NT5C1A: variants seen among roughly 807,000 people sequenced by gnomAD.
NT5C1A encodes the protein cytosolic 5'-nucleotidase 1A.
In NT5C1A, 18 loss-of-function variants were observed where a neutral mutation model predicts 31.0. That is an observed-to-expected ratio of 0.58 (90% CI 0.40 to 0.86). NT5C1A has a LOEUF of 0.86. Among genes scored for constraint, NT5C1A ranks in the 40% least tolerant of loss-of-function variants. NT5C1A has a pLI of 0.00. For synonymous variants in NT5C1A, 185 were observed against 203.6 expected (o/e 0.91, Z 0.78); for missense variants, 470 against 505.4 (o/e 0.93, Z 0.67).
At chr1:39,661,305 C>G in intron 4 of NT5C1A, 42 bp from the exon 5 acceptor site, 1 of 1,181,968 alleles carries the variant, frequency 8.5e-7, no homozygotes, top group South Asian at 1.3e-5. Flanking sequence ...TCAGGCTGGG[C>G]AGTAGGGCTA....
At position 39,651,317 on chromosome 1, in the gene NT5C1A, G is replaced by A. The variant is rs563029522; in HGVS notation, c.*7804C>T. On this transcript the variant is annotated 3_prime_UTR_variant, in exon 6 of 6. Coordinates refer to ENST00000235628, the MANE Select transcript of NT5C1A (RefSeq NM_032526.3). ...TTAAGGTATAGGACATGCATGAGAA[G>A]TGACAGGGACCCACACTGGCAAGCA... is the stretch of plus-strand genomic sequence containing the variant. Among the ~76,000 whole-genome samples the A allele has an allele frequency of 6.6e-6, 1 of 152,248 alleles. No homozygotes were observed. Among genetic ancestry groups the A allele is most frequent in the Non-Finnish European group, 1.5e-5 (1 of 68,036 alleles).
At position 39,663,283 on chromosome 1, in the gene NT5C1A, C is replaced by G. The variant is rs199788978; in HGVS notation, c.556+29G>C. On this transcript the variant is annotated intron_variant, in intron 4 of 5. Coordinates refer to ENST00000235628, the MANE Select transcript of NT5C1A (RefSeq NM_032526.3). Reference sequence around the variant, plus strand: ...CTCAGGGACCCCTTTGCTGCACTCCCCATATTCTTCCTCTTCACTTAGACT... The same window carrying G: ...CTCAGGGACCCCTTTGCTGCACTCCGCATATTCTTCCTCTTCACTTAGACT... 38 of 1,613,914 alleles carry G rather than the reference C, an allele frequency of 2.4e-5. No individual in the cohort carries two copies. The East Asian group carries it at 7.6e-4, about 32-fold the overall frequency.
Position 39,672,069 on chromosome 1 carries a change from A to G in NT5C1A, c.-31T>C. On this transcript the variant is annotated 5_prime_UTR_variant, in exon 1 of 6. Transcript: ENST00000235628. ...GGCTCTGACCCGGCCCGGCCAGAGC[A>G]GGCGGCGGCGTAGACGCGGAGGTGG... The G allele has an allele frequency of 1.3e-6, 2 of 1,536,144 alleles. No individual in the cohort carries two copies. The highest frequency in any genetic ancestry group is 1.7e-6 in the Non-Finnish European group (2 of 1,152,728).
rs1471169269 is a variant in NT5C1A, at chr1:39,657,290, C to T, written c.*1831G>A. On this transcript the variant is annotated 3_prime_UTR_variant, in exon 6 of 6. Coordinates refer to ENST00000235628, the MANE Select transcript of NT5C1A (RefSeq NM_032526.3). ...CGTCTCTGCCTTCTCACTTTGTTCTCCTTCCTGGAATATCTTTCTGCATCT... is the reference window on the plus strand; with the variant it reads ...CGTCTCTGCCTTCTCACTTTGTTCTTCTTCCTGGAATATCTTTCTGCATCT... Among the ~76,000 whole-genome samples, 1 of 152,200 alleles carries T rather than the reference C, an allele frequency of 6.6e-6. No individual in the cohort carries two copies. Among genetic ancestry groups the T allele is most frequent in the Admixed American group, 6.5e-5 (1 of 15,282 alleles).
rs773014170 is a variant in NT5C1A at position 39,661,177 on chromosome 1, C to T, written c.643G>A (p.Val215Met). 19 of 1,602,280 alleles carry T rather than the reference C, an allele frequency of 1.2e-5. No homozygotes were observed. Among genetic ancestry groups the T allele is most frequent in the South Asian group, 4.4e-5 (4 of 90,750 alleles). The change falls in exon 5 of 6, where the codon GTG becomes ATG. Residue 215 changes from valine to methionine, a missense_variant. Transcript: ENST00000235628. ...CGCTCCGACTCGTCCGAGAAGAGCA[C>T]GGCGTCCCCATCGAAGGCCACGCGC... is the stretch of plus-strand genomic sequence containing the variant. ...QLRVAFDGDA[V>M]LFSDESERIV...
intron 3 of NT5C1A, 66 bp from the exon 4 acceptor site, chr1:39,663,500 G>C (rs1646502720): frequency 6.5e-7 from 1 of 1,544,624 alleles, no homozygotes; most frequent in Non-Finnish European, 8.9e-7. Context: ...CAGTCTCTCT[G>C]TGCCCAGTGC....
Position 39,663,445 on chromosome 1 carries a change from G to C in NT5C1A, c.434-11C>G. ...TCTCGATGAACAGGTCTGGGAAGGA[G>C]GTAAAGGACCCAGGTGAGGCCAGGG... On this transcript the variant is annotated splice_polypyrimidine_tract_variant and intron_variant, in intron 3 of 5. Coordinates refer to ENST00000235628, the MANE Select transcript of NT5C1A (RefSeq NM_032526.3). 1 of 1,613,862 alleles carries C rather than the reference G, an allele frequency of 6.2e-7. No homozygotes were observed. Among genetic ancestry groups the C allele is most frequent in the Non-Finnish European group, 8.5e-7 (1 of 1,179,900 alleles).
chr1:39,661,381 A>G (rs1646492505), intron 4 of NT5C1A, 118 bp from the exon 5 acceptor site: 1 of 513,568 alleles, frequency 1.9e-6, no homozygotes, highest in East Asian at 2.8e-5. Context: ...AAGGCTGATG[A>G]AAACTAATAT....
chr1:39,663,431 AGG>A lies in NT5C1A; in HGVS notation c.435_436del (p.Leu146ValfsTer38), dbSNP rs200821382. 59 of 1,613,962 alleles carry A rather than the reference AGG, an allele frequency of 3.7e-5. 2 individuals carry two copies. In the East Asian group the frequency reaches 9.1e-4, roughly 25 times the overall value. On this transcript the variant is annotated frameshift_variant and splice_region_variant, in exon 4 of 6. Transcript: ENST00000235628. LOFTEE classifies it high-confidence loss of function. Reference sequence around the variant, plus strand: ...TGTCATGCAGAACCTCTCGATGAACAGGTCTGGGAAGGAGGTAAAGGACCCAG... The same window carrying A: ...TGTCATGCAGAACCTCTCGATGAACATCTGGGAAGGAGGTAAAGGACCCAG...
Position 39,659,532 on chromosome 1 carries a change from A to T in NT5C1A, c.742-46T>A, listed in dbSNP as rs113354759. On this transcript the variant is annotated intron_variant, in intron 5 of 5. Transcript: ENST00000235628. ...CATTGTTAGCTCTACCACCTCCTAA[A>T]TATTTGCCCCCTGCTCTCCCTAAAG... is the stretch of plus-strand genomic sequence containing the variant. 3,285 of 1,515,592 alleles carry T rather than the reference A, an allele frequency of 2.2e-3. 48 individuals carry two copies. The African/African-American group carries it at 0.038, about 17-fold the overall frequency. The allele number at this position is 1,515,592 out of a possible 1,614,324, so 93.9% of individuals were successfully genotyped here. A position where few individuals can be genotyped will look rare whatever the true frequency, so the allele number is the denominator to read the frequency against.
chr1:39,659,067 C>G lies in NT5C1A; in HGVS notation c.*54G>C. On this transcript the variant is annotated 3_prime_UTR_variant, in exon 6 of 6. Coordinates refer to ENST00000235628, the MANE Select transcript of NT5C1A (RefSeq NM_032526.3). Reference sequence around the variant, plus strand: ...TAGAGGGATCTACCAGAGGAGGTGTCGAAGTATGTCAGGGAGCCTGGAGCA... The same window carrying G: ...TAGAGGGATCTACCAGAGGAGGTGTGGAAGTATGTCAGGGAGCCTGGAGCA... 6.5e-7 allele frequency: 1 copy of G among 1,527,542 alleles called. No homozygotes were observed. 94.6% of individuals were successfully genotyped at this position (1,527,542 alleles called of 1,614,324 possible). A position where few individuals can be genotyped will look rare whatever the true frequency, so the allele number is the denominator to read the frequency against.
Position 39,663,284 on chromosome 1 carries a change from C to T in NT5C1A, c.556+28G>A, listed in dbSNP as rs201275669. 3.2e-4 allele frequency: 521 copies of T among 1,613,966 alleles called. 7 individuals carry two copies. The South Asian group carries it at 3.7e-3, about 12-fold the overall frequency. On this transcript the variant is annotated intron_variant, in intron 4 of 5. Coordinates refer to ENST00000235628, the MANE Select transcript of NT5C1A (RefSeq NM_032526.3). ...TCAGGGACCCCTTTGCTGCACTCCC[C>T]ATATTCTTCCTCTTCACTTAGACTT...
intron 1 of NT5C1A, 35 bp downstream of exon 1, chr1:39,671,869 C>G (rs552981424): frequency 1.9e-6 from 3 of 1,610,088 alleles, no homozygotes; most frequent in Admixed American, 3.3e-5. Flanking sequence ...GGTAACCCTT[C>G]CCCCGTCCCC....
At chr1:39,660,894 G>C (rs992017825) in intron 5 of NT5C1A, among the ~76,000 whole-genome samples, 185 bp downstream of exon 5, 30 of 152,066 alleles carry the variant, frequency 2.0e-4, no homozygotes, top group African/African-American at 1.9e-4. Flanking sequence ...GGGGATGTGG[G>C]CTCAACAAAG....
At position 39,652,891 on chromosome 1, in the gene NT5C1A, G is replaced by A. The variant is rs1646439410; in HGVS notation, c.*6230C>T. The stretch of plus-strand genomic sequence containing the variant: ...AGGCAGGAATCTTTGCCTAGGTTGG[G>A]CAGGGCTGGTAGTGGGGAGGGAAGG... On this transcript the variant is annotated 3_prime_UTR_variant, in exon 6 of 6. Coordinates refer to ENST00000235628, the MANE Select transcript of NT5C1A (RefSeq NM_032526.3). 1.3e-5 allele frequency among the ~76,000 whole-genome samples: 2 copies of A among 152,100 alleles called. No individual in the cohort carries two copies. The highest frequency in any genetic ancestry group is 4.8e-5 in the African/African-American group (2 of 41,506).
intron 4 of NT5C1A, among the ~76,000 whole-genome samples, chr1:39,662,514 A>G (rs1646496944): frequency 6.6e-6 from 1 of 152,222 alleles, no homozygotes; most frequent in Non-Finnish European, 1.5e-5. Context: ...GAAAGCCTCT[A>G]GGAGCTCCCA....
At position 39,656,428 on chromosome 1, in the gene NT5C1A, C is replaced by A. The variant is rs1207284848; in HGVS notation, c.*2693G>T. On this transcript the variant is annotated 3_prime_UTR_variant, in exon 6 of 6. Coordinates refer to ENST00000235628, the MANE Select transcript of NT5C1A (RefSeq NM_032526.3). Reference sequence around the variant, plus strand: ...CAGTGACTGAAAGCTTTTTTCCAGGCCTGAGATGCTCATTTGTGATTTCAA... The same window carrying A: ...CAGTGACTGAAAGCTTTTTTCCAGGACTGAGATGCTCATTTGTGATTTCAA... Among the ~76,000 whole-genome samples, 1 of 152,202 alleles carries A rather than the reference C, an allele frequency of 6.6e-6. No homozygotes were observed. The highest frequency in any genetic ancestry group is 1.5e-5 in the Non-Finnish European group (1 of 68,040).
chr1:39,654,227 G>C lies in NT5C1A; in HGVS notation c.*4894C>G, dbSNP rs530311768. 0.015 allele frequency among the ~76,000 whole-genome samples: 2,282 copies of C among 152,294 alleles called. 51 individuals are homozygous for C. The highest frequency in any genetic ancestry group is 0.05 in the African/African-American group (2,095 of 41,554). On this transcript the variant is annotated 3_prime_UTR_variant, in exon 6 of 6. Coordinates refer to ENST00000235628, the MANE Select transcript of NT5C1A (RefSeq NM_032526.3). ...TTGCTCACGTGCCTTCATGCCACAAGAAACTGCCATTCCAGCTGTTACAGG... is the reference window on the plus strand; with the variant it reads ...TTGCTCACGTGCCTTCATGCCACAACAAACTGCCATTCCAGCTGTTACAGG...
Position 39,659,265 on chromosome 1 carries a change from G to T in NT5C1A, c.963C>A (p.Ile321=). Residue 321 remains isoleucine, a synonymous_variant, in exon 6 of 6, where the codon ATC becomes ATA. Transcript: ENST00000235628. ...GGTCATCAAAGAAGATGTGTGGGCGGATCTTCTCAAGGAGAGGGCCCTTGG... is the reference window on the plus strand; with the variant it reads ...GGTCATCAAAGAAGATGTGTGGGCGTATCTTCTCAAGGAGAGGGCCCTTGG... The part of the protein sequence containing the change: ...GAPKGPLLEK[I]RPHIFFDDQM... 6.2e-7 allele frequency: 1 copy of T among 1,614,142 alleles called. No homozygotes were observed. Among genetic ancestry groups the T allele is most frequent in the South Asian group, 1.1e-5 (1 of 91,090 alleles).
Sources: allele counts gnomAD v4.1 joint callset (sites outside exome capture counted in the v4.1 genomes callset), GRCh38; gene constraint gnomAD v4.1.1; transcripts MANE v1.5; gene names NCBI Gene and HGNC (gene_info 2026-07-23, HGNC 2026-07-21).